Variants in HAVCR1 observed in about 807,000 individuals in gnomAD.
HAVCR1 encodes the protein T cell immunoglobin domain and mucin domain protein 1.
In HAVCR1, 34 loss-of-function variants were observed where a neutral mutation model predicts 32.0. The observed-to-expected ratio is 1.06, with a 90% CI of 0.81 to 1.42. HAVCR1 has a LOEUF of 1.42. Ranked by LOEUF, HAVCR1 falls within the 40% of genes most tolerant of loss-of-function variation. HAVCR1 has a pLI of 0.00. For synonymous variants in HAVCR1, 178 were observed against 170.3 expected, an observed-to-expected ratio of 1.05 and a Z score of -0.35; for missense variants, 420 against 442.3, an observed-to-expected ratio of 0.95 and a Z score of 0.45.
chr5:157,029,551 A>C lies in HAVCR1; in HGVS notation c.*182T>G, dbSNP rs1231038560. The C allele has an allele frequency of 2.0e-6, 3 of 1,467,682 alleles. No homozygotes were observed. The highest frequency in any genetic ancestry group is 1.8e-6 in the Non-Finnish European group (2 of 1,084,506). 90.9% of individuals were successfully genotyped at this position (1,467,682 alleles called of 1,614,324 possible). A position where few individuals can be genotyped will look rare whatever the true frequency, so the allele number is the denominator to read the frequency against. On this transcript the variant is annotated 3_prime_UTR_variant, in exon 9 of 9. Transcript: ENST00000523175. ...AAAAATTAGGACTACATTAATGATG[A>C]GGTTGACTATACACAGTTTGGAGTG...
intron 4 of HAVCR1, among the ~76,000 whole-genome samples, chr5:157,049,711 T>A (rs2113598833): frequency 6.6e-6 from 1 of 152,318 alleles, no homozygotes; most frequent in East Asian, 1.9e-4. Context: ...CTCTTAAAGC[T>A]GACAATATTG....
chr5:157,041,691 A>G (rs1009619864), intron 6 of HAVCR1, among the ~76,000 whole-genome samples: 2 of 152,204 alleles, frequency 1.3e-5, no homozygotes, highest in Admixed American at 1.3e-4. Flanking sequence ...ACTCCACCCC[A>G]TCAAAGCATG....
At chr5:157,037,811 C>T (rs780022749) in intron 6 of HAVCR1, among the ~76,000 whole-genome samples, 3 of 152,082 alleles carry the variant, frequency 2.0e-5, no homozygotes, top group Non-Finnish European at 4.4e-5. Flanking sequence ...GTCAGGTGTT[C>T]GAGACCAGCC....
At chr5:157,065,999 T>A in the HAVCR1 span, among the ~76,000 whole-genome samples, 2 of 140,066 alleles carry the variant, frequency 1.4e-5, no homozygotes. Flanking sequence ...GAGCTTGCAG[T>A]GAGCCGAGAT....
At chr5:157,068,401 T>G in the HAVCR1 span, among the ~76,000 whole-genome samples, 1 of 151,964 alleles carries the variant, frequency 6.6e-6, no homozygotes. Flanking sequence ...CTGGGCAACA[T>G]AGCGAAACCG....
intron 7 of HAVCR1, among the ~76,000 whole-genome samples, chr5:157,036,156 A>T (rs1246376829): frequency 1.3e-5 from 2 of 152,120 alleles, no homozygotes; most frequent in Non-Finnish European, 2.9e-5. Flanking sequence ...CAGCCTAGCC[A>T]ACATGGCAAA....
chr5:157,042,768 T>C, intron 5 of HAVCR1, 86 bp from the exon 6 acceptor site: 1 of 821,962 alleles, frequency 1.2e-6, no homozygotes, highest in Admixed American at 2.1e-5. Context: ...CATTACCTTC[T>C]GGCGATGAAA....
chr5:157,040,286 G>A (rs1257873671), intron 6 of HAVCR1, among the ~76,000 whole-genome samples: 1 of 147,706 alleles, frequency 6.8e-6, no homozygotes, highest in Non-Finnish European at 1.5e-5. Context: ...TAACAAGAGT[G>A]AAACTCTGTC....
At chr5:157,043,372 A>C (rs753002576) in intron 5 of HAVCR1, among the ~76,000 whole-genome samples, 3 of 152,212 alleles carry the variant, frequency 2.0e-5, no homozygotes, top group Non-Finnish European at 4.4e-5. Context: ...TGTAATAGAC[A>C]GTATATTCTC....
chr5:157,053,558 G>C (rs1755905513), intron 3 of HAVCR1, among the ~76,000 whole-genome samples: 1 of 152,002 alleles, frequency 6.6e-6, no homozygotes. Flanking sequence ...TAAGACCTTA[G>C]TGGAAGAAGA....
At chr5:157,047,208 C>G (rs1175698083) in intron 5 of HAVCR1, among the ~76,000 whole-genome samples, 2 of 152,080 alleles carry the variant, frequency 1.3e-5, no homozygotes, top group Non-Finnish European at 2.9e-5. Context: ...AGAGAGAGTC[C>G]TTCCCTGTGC....
chr5:157,049,927 TC>T (rs1203147988), intron 4 of HAVCR1, among the ~76,000 whole-genome samples: 1 of 152,200 alleles, frequency 6.6e-6, no homozygotes, highest in Non-Finnish European at 1.5e-5. Context: ...TTTCCTGAAA[TC>T]CCTCCTTTAT....
At chr5:157,065,471 C>T in the HAVCR1 span, among the ~76,000 whole-genome samples, 2 of 152,240 alleles carry the variant, frequency 1.3e-5, no homozygotes, top group Admixed American at 1.3e-4. Flanking sequence ...GTAATCCCAA[C>T]ACTTTGGGAG....
At chr5:157,044,460 A>G (rs1208431993) in intron 5 of HAVCR1, among the ~76,000 whole-genome samples, 10 of 74,212 alleles carry the variant, frequency 1.3e-4, no homozygotes, top group Non-Finnish European at 1.9e-4. Flanking sequence ...AGAAAGAAAG[A>G]AAGAAAGAAA....
chr5:157,039,537 G>C (rs6862569), intron 6 of HAVCR1, among the ~76,000 whole-genome samples: 41,774 of 151,898 alleles, frequency 0.28, 5,887 homozygotes, highest in Admixed American at 0.35. Context: ...TTAGTACAGA[G>C]GAGGTTTCAT....
chr5:157,031,561 C>T (rs547405998), intron 8 of HAVCR1, among the ~76,000 whole-genome samples: 3 of 152,080 alleles, frequency 2.0e-5, no homozygotes, highest in African/African-American at 4.8e-5. Flanking sequence ...CGGTCCCTCA[C>T]GCCTATAATC....
At chr5:157,067,607 G>T in the HAVCR1 span, among the ~76,000 whole-genome samples, 1 of 152,210 alleles carries the variant, frequency 6.6e-6, no homozygotes, top group Non-Finnish European at 1.5e-5. Flanking sequence ...GGTCAAGGCT[G>T]CAAGGAGCTG....
intron 8 of HAVCR1, among the ~76,000 whole-genome samples, chr5:157,030,480 C>G (rs185871405): frequency 6.6e-6 from 1 of 152,070 alleles, no homozygotes; most frequent in Non-Finnish European, 1.5e-5. Context: ...AGCGAGACCC[C>G]GTCTCTACAG....
At position 157,051,330 on chromosome 5, in the gene HAVCR1, G is replaced by A. The variant is rs577928700; in HGVS notation, c.673+1031C>T. On this transcript the variant is annotated intron_variant, in intron 4 of 8. Transcript: ENST00000523175. The stretch of plus-strand genomic sequence containing the variant: ...TAAAGGACCTTTGAAGTAAAAATGT[G>A]TAAGTCATTGACTACCCTGAAAAGA... Among the ~76,000 whole-genome samples, 20 of 152,200 alleles carry A rather than the reference G, an allele frequency of 1.3e-4. No homozygotes were observed. The South Asian group carries it at 3.5e-3, about 27-fold the overall frequency.
Sources: allele counts gnomAD v4.1 joint callset (sites outside exome capture counted in the v4.1 genomes callset), GRCh38; gene constraint gnomAD v4.1.1; transcripts MANE v1.5; gene names NCBI Gene and HGNC (gene_info 2026-07-23, HGNC 2026-07-21).